The following SPARCL1 variants were observed in gnomAD, a reference collection of about 807,000 sequenced individuals.
SPARCL1 encodes the protein SPARC like 1.
Under a neutral mutation model 67.1 loss-of-function variants are expected in SPARCL1, and 52 were observed. The ratio of observed to expected loss-of-function variants is 0.78; its 90% CI spans 0.62 to 0.98. The LOEUF (loss-of-function observed/expected upper bound fraction) is 0.98. Among genes scored for constraint, SPARCL1 ranks in the 50% least tolerant of loss-of-function variants. The pLI is 0.00. For missense variants in SPARCL1, 717 were observed against 782.4 expected, an observed-to-expected ratio of 0.92 and a Z score of 1.00; for synonymous variants, 226 against 267.8, an observed-to-expected ratio of 0.84 and a Z score of 1.52.
chr4:87,493,781 T>C lies in SPARCL1; in HGVS notation c.1019A>G (p.Asp340Gly). The stretch of plus-strand genomic sequence containing the variant: ...GCCATCATCGCCATCATCATCGCCA[T>C]CATCATCAACTCCATGATTTCTGGG... ...TTPRNHGVDD[D>G]GDDDGDDGGT... The change falls in exon 4 of 11, where the codon GAT becomes GGT. Residue 340 changes from aspartate (D) to glycine (G), a missense_variant. Transcript: ENST00000282470. 3 of 1,614,112 alleles carry C rather than the reference T, an allele frequency of 1.9e-6. No individual in the cohort carries two copies. The highest frequency in any genetic ancestry group is 2.5e-6 in the Non-Finnish European group (3 of 1,179,996).
intron 8 of SPARCL1, among the ~76,000 whole-genome samples, chr4:87,482,005 C>G (rs905805808): frequency 2.0e-5 from 3 of 152,118 alleles, no homozygotes; most frequent in African/African-American, 7.2e-5. Context: ...ATGTTCTGTG[C>G]TTTTTAATCT....
chr4:87,503,980 C>T (rs1421851192), intron 1 of SPARCL1, among the ~76,000 whole-genome samples: 1 of 151,928 alleles, frequency 6.6e-6, no homozygotes, highest in African/African-American at 2.4e-5. Context: ...GAAAACAGGG[C>T]TATAGCATAG....
intron 9 of SPARCL1, among the ~76,000 whole-genome samples, chr4:87,479,959 T>C (rs182115248): frequency 6.6e-6 from 1 of 152,168 alleles, no homozygotes; most frequent in Admixed American, 6.5e-5. Flanking sequence ...GAGGAGTATC[T>C]GTGGGAAGCT....
At position 87,492,911 on chromosome 4, in the gene SPARCL1, A is replaced by G. The variant is rs563518362; in HGVS notation, c.1218+671T>C. ...GTTTGCTTAATAAAGTAGGACCTTA[A>G]TCTTTATAACTAATTCAACAAACAT... On this transcript the variant is annotated intron_variant, in intron 4 of 10. Coordinates refer to ENST00000282470, the MANE Select transcript of SPARCL1 (RefSeq NM_004684.6). Among the ~76,000 whole-genome samples, 52 of 152,320 alleles carry G rather than the reference A, an allele frequency of 3.4e-4. 1 individual carries two copies. Among genetic ancestry groups the G allele is most frequent in the African/African-American group, 1.1e-3 (46 of 41,578 alleles).
intron 1 of SPARCL1, among the ~76,000 whole-genome samples, chr4:87,511,391 CG>C (rs1725348806): frequency 6.6e-6 from 1 of 151,956 alleles, no homozygotes; most frequent in African/African-American, 2.4e-5. Context: ...AGAAGACAGA[CG>C]GTGGATTAGT....
intron 1 of SPARCL1, chr4:87,504,673 T>A (rs1560823824): frequency 6.6e-6 from 1 of 152,106 alleles, no homozygotes; most frequent in Non-Finnish European, 1.5e-5. Context: ...TTTTACCTCT[T>A]ACACAAAGGT....
intron 7 of SPARCL1, among the ~76,000 whole-genome samples, chr4:87,484,585 C>G (rs192955848): frequency 1.3e-5 from 2 of 152,044 alleles, no homozygotes; most frequent in East Asian, 3.9e-4. Context: ...TGGTTCCCAA[C>G]TTTAAAGTAG....
intron 1 of SPARCL1, among the ~76,000 whole-genome samples, chr4:87,506,782 C>CATCTATCTATCTATCT (rs11412640): frequency 2.1e-5 from 2 of 93,744 alleles, no homozygotes; most frequent in Non-Finnish European, 4.2e-5. Flanking sequence ...ATCTATCTAT[C>CATCTATCTATCTATCT]ATCTATCTAT....
At chr4:87,501,303 G>A (rs1724839799) in intron 1 of SPARCL1, among the ~76,000 whole-genome samples, 1 of 151,904 alleles carries the variant, frequency 6.6e-6, no homozygotes, top group South Asian at 2.1e-4. Context: ...TTTTTCTTCT[G>A]TTTGATTTCT....
chr4:87,508,993 G>A (rs1725235546), intron 1 of SPARCL1, among the ~76,000 whole-genome samples: 1 of 146,894 alleles, frequency 6.8e-6, no homozygotes, highest in African/African-American at 2.5e-5. Flanking sequence ...TACTATATGT[G>A]TACATATATA....
intron 1 of SPARCL1, among the ~76,000 whole-genome samples, chr4:87,506,030 T>G (rs1275455157): frequency 1.3e-5 from 2 of 152,172 alleles, no homozygotes; most frequent in Non-Finnish European, 2.9e-5. Flanking sequence ...CTTAGCAGCA[T>G]TCCTGTCCTC....
At chr4:87,502,506 A>G (rs1411193006) in intron 1 of SPARCL1, among the ~76,000 whole-genome samples, 3 of 152,214 alleles carry the variant, frequency 2.0e-5, no homozygotes, top group Non-Finnish European at 2.9e-5. Context: ...CATATGAGTG[A>G]GAATATGCTT....
chr4:87,521,527 TTCTGAACCCTCCAG>T (rs1236229218), intron 1 of SPARCL1, among the ~76,000 whole-genome samples: 3 of 152,296 alleles, frequency 2.0e-5, no homozygotes, highest in Non-Finnish European at 4.4e-5. Flanking sequence ...TTCCCCTGGT[TTCTGAACCCTCCAG>T]TCTGAACCCT....
At chr4:87,488,687 C>T (rs1434770810) in intron 7 of SPARCL1, among the ~76,000 whole-genome samples, 1 of 152,180 alleles carries the variant, frequency 6.6e-6, no homozygotes, top group East Asian at 1.9e-4. Flanking sequence ...GCTCTGCCCA[C>T]AGCCGCCCCT....
intron 1 of SPARCL1, among the ~76,000 whole-genome samples, chr4:87,501,986 G>A (rs4693820): frequency 0.44 from 64,765 of 148,172 alleles, 14,773 homozygotes; most frequent in East Asian, 0.75. Flanking sequence ...TTTTTTTCCT[G>A]GAGATAGGGT....
At chr4:87,510,576 G>C (rs1003475548) in intron 1 of SPARCL1, among the ~76,000 whole-genome samples, 2 of 152,140 alleles carry the variant, frequency 1.3e-5, no homozygotes, top group Admixed American at 6.6e-5. Context: ...CTTCAGAGGA[G>C]AGGGATCTTC....
rs1046611090 is a variant in SPARCL1, at chr4:87,508,891, A to G, written c.-11-9306T>C. On this transcript the variant is annotated intron_variant, in intron 1 of 10. Transcript: ENST00000282470. ...CATATATAGATACATGTATATAAGT[A>G]TATATATATATATATAGTATACATA... 3.9e-4 allele frequency among the ~76,000 whole-genome samples: 42 copies of G among 106,384 alleles called. 1 individual carries two copies. In the East Asian group the frequency reaches 6.0e-3, roughly 15 times the overall value. 69.8% of individuals were successfully genotyped at this position (106,384 alleles called of 152,430 possible). A position where few individuals can be genotyped will look rare whatever the true frequency, so the allele number is the denominator to read the frequency against.
At position 87,499,603 on chromosome 4, in the gene SPARCL1, AATT is replaced by A. The variant is rs754212261; in HGVS notation, c.-11-21_-11-19del. 1.3e-5 allele frequency: 20 copies of A among 1,570,284 alleles called. No homozygotes were observed. The highest frequency in any genetic ancestry group is 1.7e-4 in the Middle Eastern group (1 of 5,990). ...TTCCAGATCTGTGAACCAAGAAGAT[AATT>A]ATCAGTGGCAGGGAAAAGTTTCCTC... On this transcript the variant is annotated intron_variant, in intron 1 of 10. Coordinates refer to ENST00000282470, the MANE Select transcript of SPARCL1 (RefSeq NM_004684.6).
At chr4:87,528,391 T>C (rs914384218) in intron 1 of SPARCL1, among the ~76,000 whole-genome samples, 2 of 152,156 alleles carry the variant, frequency 1.3e-5, no homozygotes, top group African/African-American at 4.8e-5. Context: ...TATCAAGAAT[T>C]AGAGAAATTT....
Sources: gnomAD v4.1 joint callset for allele counts (sites outside exome capture counted in the v4.1 genomes callset) on GRCh38, gnomAD v4.1.1 for gene constraint, MANE v1.5 for transcripts, NCBI Gene and HGNC (gene_info 2026-07-23, HGNC 2026-07-21) for gene names.